PARD3B: variants seen among roughly 807,000 people sequenced by gnomAD.
The protein encoded by PARD3B is partitioning defective 3 homolog B.
A neutral mutation model predicts 130.2 loss-of-function variants in PARD3B; 103 were observed. The ratio of observed to expected loss-of-function variants is 0.79; its 90% CI spans 0.67 to 0.93. The LOEUF (loss-of-function observed/expected upper bound fraction) is 0.93, where lower values mean the gene tolerates loss of function less well. Ranked by LOEUF, PARD3B falls within the 40% of genes least tolerant of loss-of-function variation. The probability of loss-of-function intolerance (pLI) is 0.00; values close to 1 mark genes in which losing one functional copy is unlikely to be tolerated. For missense variants in PARD3B, 1,609 were observed against 1,499.2 expected, an observed-to-expected ratio of 1.07 and a Z score of -1.21; for synonymous variants, 583 against 553.2, an observed-to-expected ratio of 1.05 and a Z score of -0.76.
intron 2 of PARD3B, among the ~76,000 whole-genome samples, chr2:204,766,327 C>T (rs2041146346): frequency 6.6e-6 from 1 of 152,082 alleles, no homozygotes; most frequent in Non-Finnish European, 1.5e-5. Context: ...TTAATATTCT[C>T]ATTATAAAAA....
chr2:205,135,959 A>T (rs893022498), intron 10 of PARD3B, among the ~76,000 whole-genome samples: 4 of 152,188 alleles, frequency 2.6e-5, no homozygotes, highest in African/African-American at 9.7e-5. Flanking sequence ...TGTTAAAAAG[A>T]CCAAAGAACA....
At chr2:205,223,605 A>T (rs1317032133) in intron 15 of PARD3B, among the ~76,000 whole-genome samples, 1 of 145,668 alleles carries the variant, frequency 6.9e-6, no homozygotes, top group Non-Finnish European at 1.5e-5. Context: ...CTTTCTTTTT[A>T]TGGTCCTGTA....
intron 20 of PARD3B, among the ~76,000 whole-genome samples, chr2:205,452,703 G>A (rs1016228681): frequency 1.4e-4 from 22 of 151,742 alleles, no homozygotes; most frequent in African/African-American, 2.7e-4. Context: ...TTTTCCCGTC[G>A]TCTGAGAGCC....
intron 19 of PARD3B, among the ~76,000 whole-genome samples, chr2:205,404,849 A>G (rs1425771648): frequency 6.6e-6 from 1 of 152,152 alleles, no homozygotes; most frequent in Non-Finnish European, 1.5e-5. Context: ...TAATACTTGG[A>G]TGAATATCCA....
intron 22 of PARD3B, among the ~76,000 whole-genome samples, chr2:205,606,723 C>T: frequency 6.6e-6 from 1 of 152,226 alleles, no homozygotes; most frequent in East Asian, 1.9e-4. Context: ...TTCCAGAACA[C>T]TTTCCAAGGC....
chr2:204,834,935 T>A (rs372615428), intron 2 of PARD3B, among the ~76,000 whole-genome samples: 7 of 152,322 alleles, frequency 4.6e-5, no homozygotes, highest in African/African-American at 1.7e-4. Context: ...AAGCACTAGG[T>A]TTAGAGCTAG....
In PARD3B at chr2:205,125,558, G is replaced by A. The variant is rs1559464267; in HGVS notation, c.1306-51G>A. The A allele has an allele frequency of 1.9e-6, 3 of 1,589,816 alleles. No homozygotes were observed. The South Asian group carries it at 3.4e-5, about 18-fold the overall frequency. On this transcript the variant is annotated intron_variant, in intron 9 of 22. Transcript: ENST00000406610. The surrounding 1 kb of genome is among the most constrained non-coding windows in gnomAD (Gnocchi z 4.0). Reference sequence around the variant, plus strand: ...TTTTCAAAAACTATCTAGTGTAGAAGGAGATAACAAGTATTGTGATTGTGG... The same window carrying A: ...TTTTCAAAAACTATCTAGTGTAGAAAGAGATAACAAGTATTGTGATTGTGG...
At chr2:205,518,963 T>C (rs1169480238) in intron 21 of PARD3B, among the ~76,000 whole-genome samples, 1 of 152,204 alleles carries the variant, frequency 6.6e-6, no homozygotes, top group Non-Finnish European at 1.5e-5. Flanking sequence ...GCCATTAGCC[T>C]CGATGGTGTT....
intron 3 of PARD3B, among the ~76,000 whole-genome samples, chr2:204,986,850 G>A (rs1693199769): frequency 6.6e-6 from 1 of 152,156 alleles, no homozygotes; most frequent in African/African-American, 2.4e-5. Flanking sequence ...TTTTACCTCA[G>A]CTGATAAGAT....
Position 205,291,852 on chromosome 2 carries a change from TG to T in PARD3B, c.2186-8676del, listed in dbSNP as rs1336748316. ...CAACTGTTTGATAAGGAGATTAGTA[TG>T]GATCAGCCATCTCAGCAGAAGCCAG... is the stretch of plus-strand genomic sequence containing the variant. On this transcript the variant is annotated intron_variant, in intron 16 of 22. Coordinates refer to ENST00000406610, the MANE Select transcript of PARD3B (RefSeq NM_001302769.2). This position sits in a 1 kb window ranked among gnomAD's most constrained non-coding sequence, Gnocchi z 4.6. 1.3e-5 allele frequency among the ~76,000 whole-genome samples: 2 copies of T among 152,212 alleles called. No individual in the cohort carries two copies. Among genetic ancestry groups the T allele is most frequent in the Admixed American group, 1.3e-4 (2 of 15,290 alleles).
chr2:205,322,399 G>T (rs930394904), intron 18 of PARD3B, among the ~76,000 whole-genome samples: 1 of 152,156 alleles, frequency 6.6e-6, no homozygotes, highest in Non-Finnish European at 1.5e-5. Flanking sequence ...CAGTAATACA[G>T]GTTAGGTGTA....
chr2:205,545,291 T>C (rs982126632), intron 21 of PARD3B, among the ~76,000 whole-genome samples: 4 of 152,246 alleles, frequency 2.6e-5, no homozygotes, highest in Middle Eastern at 3.2e-3. Flanking sequence ...TATTAGAAGA[T>C]GCTGAAAGCC....
chr2:205,443,386 A>G (rs1487576707), intron 20 of PARD3B, among the ~76,000 whole-genome samples: 1 of 152,210 alleles, frequency 6.6e-6, no homozygotes, highest in Admixed American at 6.5e-5. Flanking sequence ...CAACTACTAT[A>G]GAAAGCTTTA....
chr2:204,878,925 CAAGATTGACA>C (rs1294248915), intron 2 of PARD3B, among the ~76,000 whole-genome samples: 1 of 151,668 alleles, frequency 6.6e-6, no homozygotes, highest in Non-Finnish European at 1.5e-5. Context: ...TGTAGGTTTA[CAAGATTGACA>C]ATTTTTTTTT....
chr2:205,226,073 G>A (rs933288904), intron 15 of PARD3B, among the ~76,000 whole-genome samples: 12 of 152,090 alleles, frequency 7.9e-5, no homozygotes, highest in African/African-American at 2.9e-4. Flanking sequence ...CAAGAGTCTC[G>A]TTGTGTCACC....
Position 204,826,575 on chromosome 2 carries a change from C to G in PARD3B, c.223-138577C>G, listed in dbSNP as rs540676021. 2.6e-5 allele frequency among the ~76,000 whole-genome samples: 4 copies of G among 152,270 alleles called. No homozygotes were observed. In the South Asian group the frequency reaches 8.3e-4, roughly 32 times the overall value. On this transcript the variant is annotated intron_variant, in intron 2 of 22. Transcript: ENST00000406610. ...TTCTAACCAACATGTTAAAAAGTTACTTATGATAGCTATCCAAAAAATTGC... is the reference window on the plus strand; with the variant it reads ...TTCTAACCAACATGTTAAAAAGTTAGTTATGATAGCTATCCAAAAAATTGC...
chr2:204,866,700 T>C (rs1369061980), intron 2 of PARD3B, among the ~76,000 whole-genome samples: 2 of 152,016 alleles, frequency 1.3e-5, no homozygotes, highest in Non-Finnish European at 2.9e-5. Flanking sequence ...TATATATATG[T>C]TTATGTATGT....
At chr2:204,705,661 T>TAA (rs2038107715) in intron 2 of PARD3B, among the ~76,000 whole-genome samples, 1 of 152,212 alleles carries the variant, frequency 6.6e-6, no homozygotes, top group Admixed American at 6.5e-5. Flanking sequence ...AGCCACTGAC[T>TAA]GACTAGATAG....
chr2:205,248,203 A>G (rs1186745395), intron 16 of PARD3B, among the ~76,000 whole-genome samples: 1 of 152,014 alleles, frequency 6.6e-6, no homozygotes, highest in East Asian at 1.9e-4. Flanking sequence ...TTAGCTTCCT[A>G]AAGTGCTGGG....
Sources: allele counts gnomAD v4.1 joint callset (sites outside exome capture counted in the v4.1 genomes callset), GRCh38; gene constraint gnomAD v4.1.1; non-coding constraint Gnocchi (gnomAD v3.1); transcripts MANE v1.5; gene names NCBI Gene and HGNC (gene_info 2026-07-23, HGNC 2026-07-21).